SUCLG2: variants seen among roughly 807,000 people sequenced by gnomAD.
The protein encoded by SUCLG2 is succinate-CoA ligase GDP-forming subunit beta.
In SUCLG2, 42 loss-of-function variants were observed where a neutral mutation model predicts 47.9. That is an observed-to-expected ratio of 0.88 (90% CI 0.69 to 1.14). The LOEUF is 1.14. Ranked by LOEUF, SUCLG2 falls within the 50% of genes most tolerant of loss-of-function variation. The pLI is 0.00. For missense variants in SUCLG2, 571 were observed against 525.9 expected (o/e 1.09, Z -0.84); for synonymous variants, 195 against 197.3 (o/e 0.99, Z 0.10).
chr3:67,494,663 A>G (rs1303078670), intron 9 of SUCLG2, among the ~76,000 whole-genome samples: 1 of 152,172 alleles, frequency 6.6e-6, no homozygotes, highest in Non-Finnish European at 1.5e-5. Context: ...AAAAAGTTTT[A>G]TATCAAATTG....
intron 9 of SUCLG2, among the ~76,000 whole-genome samples, chr3:67,404,290 G>T (rs1364555055): frequency 6.6e-6 from 1 of 152,068 alleles, no homozygotes; most frequent in Non-Finnish European, 1.5e-5. Context: ...GAGAGTGAGT[G>T]CATGAGAGAC....
At chr3:67,630,178 A>G (rs1700902192) in intron 1 of SUCLG2, among the ~76,000 whole-genome samples, 1 of 150,596 alleles carries the variant, frequency 6.6e-6, no homozygotes, top group Admixed American at 6.6e-5. Context: ...GAAAAAAAAA[A>G]CTCCTTAATT....
chr3:67,467,263 T>C (rs948597931), intron 9 of SUCLG2, among the ~76,000 whole-genome samples: 5 of 152,206 alleles, frequency 3.3e-5, no homozygotes, highest in African/African-American at 1.2e-4. Context: ...CTACAATCTC[T>C]CATACATCAA....
chr3:67,607,926 G>A (rs1342542237), intron 2 of SUCLG2, among the ~76,000 whole-genome samples: 1 of 152,160 alleles, frequency 6.6e-6, no homozygotes, highest in African/African-American at 2.4e-5. Flanking sequence ...GGAACTGTGA[G>A]TCCACTAAAT....
chr3:67,420,735 A>G (rs1039693431), intron 9 of SUCLG2, among the ~76,000 whole-genome samples: 1 of 151,256 alleles, frequency 6.6e-6, no homozygotes, highest in Non-Finnish European at 1.5e-5. Context: ...AGTAAAAAAC[A>G]AAGGAATAGA....
chr3:67,552,628 C>G (rs1437133140), intron 2 of SUCLG2, among the ~76,000 whole-genome samples: 6 of 152,218 alleles, frequency 3.9e-5, no homozygotes, highest in African/African-American at 1.4e-4. Context: ...TCCAGTTCAA[C>G]TCTTTCTACT....
intron 9 of SUCLG2, among the ~76,000 whole-genome samples, chr3:67,494,480 G>A (rs1705280465): frequency 6.6e-6 from 1 of 152,030 alleles, no homozygotes; most frequent in Non-Finnish European, 1.5e-5. Context: ...AAAAAAATTG[G>A]CCAGGCATGG....
At chr3:67,641,970 C>T (rs909700649) in intron 1 of SUCLG2, among the ~76,000 whole-genome samples, 6 of 152,078 alleles carry the variant, frequency 3.9e-5, no homozygotes, top group Non-Finnish European at 5.9e-5. Context: ...CGTGTGTGCC[C>T]GAGTATAAAT....
At chr3:67,412,541 G>C (rs1702952767) in intron 9 of SUCLG2, among the ~76,000 whole-genome samples, 1 of 152,048 alleles carries the variant, frequency 6.6e-6, no homozygotes, top group Admixed American at 6.6e-5. Flanking sequence ...GTTCCTTTTG[G>C]ATCTGATGTC....
chr3:67,599,648 C>T (rs1052678710), intron 2 of SUCLG2, among the ~76,000 whole-genome samples: 7 of 151,916 alleles, frequency 4.6e-5, no homozygotes, highest in Non-Finnish European at 7.4e-5. Context: ...CCCCTGTTAT[C>T]CACGTCCCAT....
chr3:67,577,009 AG>A (rs1707758393), intron 2 of SUCLG2, among the ~76,000 whole-genome samples: 1 of 152,194 alleles, frequency 6.6e-6, no homozygotes, highest in South Asian at 2.1e-4. Flanking sequence ...AGATGGTCTA[AG>A]GAAAGAATTA....
chr3:67,565,692 T>C (rs1158950239), intron 2 of SUCLG2, among the ~76,000 whole-genome samples: 5 of 152,206 alleles, frequency 3.3e-5, no homozygotes, highest in South Asian at 2.1e-4. Flanking sequence ...CAAGAGTAAT[T>C]TGTCATCCTC....
At chr3:67,444,017 G>T (rs1383024806) in intron 9 of SUCLG2, among the ~76,000 whole-genome samples, 4 of 123,870 alleles carry the variant, frequency 3.2e-5, no homozygotes, top group South Asian at 3.4e-4. Flanking sequence ...AGGTGGGGGG[G>T]TCAGCCCCCC....
chr3:67,404,519 G>A (rs4438669), intron 9 of SUCLG2, among the ~76,000 whole-genome samples: 109,216 of 151,824 alleles, frequency 0.72, 39,662 homozygotes, highest in Admixed American at 0.81. Context: ...AAGAGCAACA[G>A]GACATAGAAG....
At chr3:67,643,548 C>A (rs1025842686) in intron 1 of SUCLG2, among the ~76,000 whole-genome samples, 1 of 152,168 alleles carries the variant, frequency 6.6e-6, no homozygotes, top group African/African-American at 2.4e-5. Flanking sequence ...ACATTCAGTG[C>A]TGGAATGGGT....
intron 2 of SUCLG2, among the ~76,000 whole-genome samples, chr3:67,555,571 T>C (rs757553428): frequency 3.3e-5 from 5 of 152,178 alleles, no homozygotes; most frequent in South Asian, 4.1e-4. Context: ...AAGGGATAAG[T>C]TGACATTGAG....
At chr3:67,517,298 A>G (rs1705969115) in intron 6 of SUCLG2, among the ~76,000 whole-genome samples, 1 of 152,200 alleles carries the variant, frequency 6.6e-6, no homozygotes, top group South Asian at 2.1e-4. Flanking sequence ...AGAGTCAATC[A>G]AAAGAAAAAG....
At chr3:67,599,302 AG>A (rs766050932) in intron 2 of SUCLG2, among the ~76,000 whole-genome samples, 23 of 152,218 alleles carry the variant, frequency 1.5e-4, no homozygotes, top group Non-Finnish European at 2.6e-4. Flanking sequence ...GGACGAAGGC[AG>A]GAAGGAAACT....
rs139846863 is a variant in SUCLG2, at chr3:67,601,200, T to G, written c.226+8255A>C. 1.3e-3 allele frequency among the ~76,000 whole-genome samples: 192 copies of G among 152,342 alleles called. 1 individual carries two copies. Among genetic ancestry groups the G allele is most frequent in the Non-Finnish European group, 2.1e-3 (145 of 68,034 alleles). On this transcript the variant is annotated intron_variant, in intron 2 of 10. Coordinates refer to ENST00000307227, the MANE Select transcript of SUCLG2 (RefSeq NM_003848.4). ...ACAAGCTCATTCTCTCTCAATGATGTCATATACATATGTACACAGAAATTA... is the reference window on the plus strand; with the variant it reads ...ACAAGCTCATTCTCTCTCAATGATGGCATATACATATGTACACAGAAATTA...
Sources: gnomAD v4.1 joint callset for allele counts (sites outside exome capture counted in the v4.1 genomes callset) on GRCh38, gnomAD v4.1.1 for gene constraint, MANE v1.5 for transcripts, NCBI Gene and HGNC (gene_info 2026-07-23, HGNC 2026-07-21) for gene names.